The following PPARGC1A variants were observed in gnomAD, a reference collection of about 807,000 sequenced individuals.
PPARGC1A encodes the protein peroxisome proliferator-activated receptor gamma coactivator 1-alpha.
PPARGC1A carries 25 observed loss-of-function variants against 88.7 expected under a neutral mutation model. The ratio of observed to expected loss-of-function variants is 0.28; its 90% CI spans 0.21 to 0.39. The LOEUF (loss-of-function observed/expected upper bound fraction) is 0.39, where lower values mean the gene tolerates loss of function less well. Ranked by LOEUF, PPARGC1A falls within the 10% of genes least tolerant of loss-of-function variation. The pLI, the probability that PPARGC1A is intolerant of heterozygous loss-of-function variation, is 1.00. For missense variants in PPARGC1A, 880 were observed against 968.7 expected (o/e 0.91, Z 1.22); for synonymous variants, 363 against 355.6 (o/e 1.02, Z -0.24).
the PPARGC1A span, among the ~76,000 whole-genome samples, chr4:24,032,399 C>T: frequency 1.3e-5 from 2 of 152,170 alleles, no homozygotes; most frequent in African/African-American, 4.8e-5. Context: ...TCCACTCTGT[C>T]ATGGTGTTCA....
At chr4:24,468,520 G>A in the PPARGC1A span, among the ~76,000 whole-genome samples, 77,276 of 151,890 alleles carry the variant, frequency 0.51, 19,973 homozygotes, top group South Asian at 0.59. Flanking sequence ...GATATAGGAC[G>A]AAATTTCCCA....
chr4:23,808,121 G>A (rs1320375259), intron 10 of PPARGC1A, among the ~76,000 whole-genome samples: 1 of 151,828 alleles, frequency 6.6e-6, no homozygotes, highest in African/African-American at 2.4e-5. Flanking sequence ...CGTGGTGGTG[G>A]ATACCTGTAG....
the PPARGC1A span, among the ~76,000 whole-genome samples, chr4:24,033,613 C>T: frequency 6.6e-6 from 1 of 152,178 alleles, no homozygotes; most frequent in Non-Finnish European, 1.5e-5. Context: ...CTGACATAAG[C>T]CACCTTTTTT....
At chr4:23,999,992 T>C in the PPARGC1A span, among the ~76,000 whole-genome samples, 10 of 152,278 alleles carry the variant, frequency 6.6e-5, no homozygotes, top group Admixed American at 6.5e-4. Context: ...TAAAATGCTC[T>C]CGGGTGAGGC....
chr4:23,802,009 T>A, intron 11 of PPARGC1A, 128 bp from the exon 12 acceptor site: 1 of 1,323,804 alleles, frequency 7.6e-7, no homozygotes, highest in South Asian at 1.4e-5. Flanking sequence ...ATCAGTGTGA[T>A]TGTCCTGTCA....
chr4:24,128,875 G>C, the PPARGC1A span, among the ~76,000 whole-genome samples: 1 of 152,046 alleles, frequency 6.6e-6, no homozygotes, highest in Non-Finnish European at 1.5e-5. Flanking sequence ...AATGAAGTAG[G>C]ACCCCCTCTA....
At chr4:23,889,863 C>A (rs762716918) in intron 1 of PPARGC1A, 41 bp downstream of exon 1, 14 of 1,604,278 alleles carry the variant, frequency 8.7e-6, no homozygotes, top group Non-Finnish European at 1.2e-5. Context: ...CTGAGGGAAG[C>A]GTCAGTTGTG....
At chr4:24,460,658 C>T in the PPARGC1A span, among the ~76,000 whole-genome samples, 1 of 152,170 alleles carries the variant, frequency 6.6e-6, no homozygotes, top group Non-Finnish European at 1.5e-5. Flanking sequence ...ATTCCATTCT[C>T]TTTTACCATT....
At chr4:24,472,348 G>A in the PPARGC1A span, among the ~76,000 whole-genome samples, 1 of 149,354 alleles carries the variant, frequency 6.7e-6, no homozygotes, top group African/African-American at 2.5e-5. The surrounding 1 kb of genome is among the most constrained non-coding windows in gnomAD (Gnocchi z 4.5). Context: ...GGGGCGCGAC[G>A]CCGCCCGGCA....
At chr4:24,052,854 A>ATTTTTTTT in the PPARGC1A span, among the ~76,000 whole-genome samples, 2 of 65,790 alleles carry the variant, frequency 3.0e-5, no homozygotes, top group Non-Finnish European at 5.4e-5. Flanking sequence ...GCGTACGCAG[A>ATTTTTTTT]TTTTTTTTTT....
At chr4:24,216,870 C>A in the PPARGC1A span, among the ~76,000 whole-genome samples, 3 of 152,102 alleles carry the variant, frequency 2.0e-5, no homozygotes, top group African/African-American at 7.2e-5. Context: ...GGAACTGTGA[C>A]CTTAGGTGCA....
In PPARGC1A at chr4:23,801,361, GACAC is replaced by G. The variant is rs61174127; in HGVS notation, c.2293+365_2293+368del. 3.6e-4 allele frequency among the ~76,000 whole-genome samples: 55 copies of G among 151,252 alleles called. 2 individuals are homozygous for G. Among genetic ancestry groups the G allele is most frequent in the Admixed American group, 2.6e-3 (40 of 15,178 alleles). ...GTTTAATATTCACACAACACACACA[GACAC>G]ACACAATATCCACAGAGATACACAC... is the stretch of plus-strand genomic sequence containing the variant. On this transcript the variant is annotated intron_variant, in intron 12 of 12. Transcript: ENST00000264867.
At chr4:24,412,545 A>G in the PPARGC1A span, among the ~76,000 whole-genome samples, 3 of 152,118 alleles carry the variant, frequency 2.0e-5, no homozygotes, top group South Asian at 2.1e-4. Flanking sequence ...CAATGGCTCA[A>G]TCTCCGCTCA....
the PPARGC1A span, among the ~76,000 whole-genome samples, chr4:24,159,980 G>C: frequency 2.6e-5 from 4 of 152,208 alleles, no homozygotes; most frequent in Non-Finnish European, 4.4e-5. Flanking sequence ...GTCCTGACTA[G>C]TGGAACACTA....
chr4:24,201,414 C>A, the PPARGC1A span, among the ~76,000 whole-genome samples: 498 of 152,332 alleles, frequency 3.3e-3, 3 homozygotes, highest in South Asian at 7.0e-3. Context: ...ATCCCTCCAC[C>A]TGGGTGTTGT....
At chr4:24,438,309 G>A in the PPARGC1A span, among the ~76,000 whole-genome samples, 3 of 152,124 alleles carry the variant, frequency 2.0e-5, no homozygotes, top group African/African-American at 7.2e-5. Context: ...TGGAATGAAG[G>A]GACCATTATC....
chr4:24,414,474 C>G, the PPARGC1A span, among the ~76,000 whole-genome samples: 2 of 152,106 alleles, frequency 1.3e-5, no homozygotes, highest in Non-Finnish European at 2.9e-5. Context: ...CTGGGATAAG[C>G]CTGGTTTATG....
At chr4:24,181,382 G>C in the PPARGC1A span, among the ~76,000 whole-genome samples, 1 of 152,208 alleles carries the variant, frequency 6.6e-6, no homozygotes, top group Admixed American at 6.5e-5. Flanking sequence ...GAATAGATAG[G>C]ATAATATTGG....
At chr4:23,968,644 G>C in the PPARGC1A span, among the ~76,000 whole-genome samples, 1 of 152,178 alleles carries the variant, frequency 6.6e-6, no homozygotes, top group African/African-American at 2.4e-5. Context: ...GCCAGGTGCT[G>C]TGGCTCATGC....
Sources: allele counts gnomAD v4.1 joint callset (sites outside exome capture counted in the v4.1 genomes callset), GRCh38; gene constraint gnomAD v4.1.1; non-coding constraint Gnocchi (gnomAD v3.1); transcripts MANE v1.5; gene names NCBI Gene and HGNC (gene_info 2026-07-23, HGNC 2026-07-21).